KLKB1: variants seen among roughly 807,000 people sequenced by gnomAD.
The protein encoded by KLKB1 is plasma kallikrein.
KLKB1 carries 58 observed loss-of-function variants against 73.6 expected under a neutral mutation model. The ratio of observed to expected loss-of-function variants is 0.79; its 90% confidence interval spans 0.64 to 0.98. The LOEUF (loss-of-function observed/expected upper bound fraction) is 0.98, where lower values mean the gene tolerates loss of function less well. Among genes scored for constraint, KLKB1 ranks in the 50% least tolerant of loss-of-function variants. The probability of loss-of-function intolerance (pLI) is 0.00; values close to 1 mark genes in which losing one functional copy is unlikely to be tolerated. For missense variants in KLKB1, 737 were observed against 763.8 expected (o/e 0.96, Z 0.41); for synonymous variants, 280 against 258.1 (o/e 1.08, Z -0.81).
chr4:186,245,121 G>A (rs1448840117), intron 6 of KLKB1, among the ~76,000 whole-genome samples: 1 of 152,124 alleles, frequency 6.6e-6, no homozygotes, highest in Admixed American at 6.6e-5. Flanking sequence ...TAACTAAAAA[G>A]GAGTGCATAA....
chr4:186,250,483 G>A lies in KLKB1; in HGVS notation c.758+81G>A, dbSNP rs767625593. The A allele has an allele frequency of 2.0e-6, 3 of 1,497,598 alleles. No homozygotes were observed. In the South Asian group the frequency reaches 3.4e-5, roughly 17 times the overall value. 92.8% of individuals were successfully genotyped at this position (1,497,598 alleles called of 1,614,324 possible). A position where few individuals can be genotyped will look rare whatever the true frequency, so the allele number is the denominator to read the frequency against. On this transcript the variant is annotated intron_variant, in intron 7 of 14. Coordinates refer to ENST00000264690, the MANE Select transcript of KLKB1 (RefSeq NM_000892.5). ...CTGCTGTACTTTCATCACTTTTATA[G>A]TCTGAGTTCTTAAAAGTTTCGTTCA...
intron 3 of KLKB1, among the ~76,000 whole-genome samples, 154 bp downstream of exon 3, chr4:186,232,443 T>C (rs1457182811): frequency 6.6e-6 from 1 of 152,204 alleles, no homozygotes; most frequent in Non-Finnish European, 1.5e-5. Flanking sequence ...CAAATGCAGA[T>C]TCCTAGGCCA....
intron 5 of KLKB1, among the ~76,000 whole-genome samples, chr4:186,237,244 G>A (rs1182642235): frequency 2.0e-5 from 3 of 151,784 alleles, no homozygotes; most frequent in Non-Finnish European, 4.4e-5. Context: ...GATTACAGGC[G>A]TCCGCCACCA....
intron 5 of KLKB1, among the ~76,000 whole-genome samples, chr4:186,237,742 C>A: frequency 6.6e-6 from 1 of 152,030 alleles, no homozygotes; most frequent in East Asian, 1.9e-4. Context: ...GTGGTAAAGT[C>A]TGGGCTTTTG....
intron 6 of KLKB1, among the ~76,000 whole-genome samples, chr4:186,244,471 C>T (rs1284337256): frequency 2.6e-5 from 4 of 152,080 alleles, no homozygotes; most frequent in African/African-American, 7.2e-5. Context: ...GGGGGCTGTC[C>T]TCGAAGCCTT....
intron 2 of KLKB1, among the ~76,000 whole-genome samples, chr4:186,216,254 G>A (rs760787745): frequency 2.0e-5 from 3 of 152,044 alleles, no homozygotes; most frequent in African/African-American, 7.3e-5. Flanking sequence ...TTTATTTATC[G>A]TTTTACTCTT....
At chr4:186,217,695 T>C (rs1376456708) in intron 2 of KLKB1, among the ~76,000 whole-genome samples, 2 of 152,218 alleles carry the variant, frequency 1.3e-5, no homozygotes, top group Non-Finnish European at 1.5e-5. Context: ...TTGTTTTGTG[T>C]GGGTCTAGTA....
chr4:186,241,057 C>T (rs1243012477), intron 6 of KLKB1, among the ~76,000 whole-genome samples: 1 of 152,152 alleles, frequency 6.6e-6, no homozygotes, highest in Non-Finnish European at 1.5e-5. Flanking sequence ...ATGGCCTTTA[C>T]AGACTGATAA....
chr4:186,250,254 A>G lies in KLKB1; in HGVS notation c.610A>G (p.Asn204Asp), dbSNP rs1738592839. 8 of 1,614,162 alleles carry G rather than the reference A, an allele frequency of 5.0e-6. No individual in the cohort carries two copies. Among genetic ancestry groups the G allele is most frequent in the Non-Finnish European group, 5.9e-6 (7 of 1,179,994 alleles). Residue 204 changes from asparagine (N) to aspartate (D), a missense_variant, in exon 7 of 15, where the codon AAC becomes GAC. Asn to Asp is a conservative substitution (Grantham distance 23). Transcript: ENST00000264690. ...CALSEIGCHM[N>D]IFQHLAFSDV... The stretch of plus-strand genomic sequence containing the variant: ...CTGTGAGTTCACAGGTTGCCACATG[A>G]ACATCTTCCAGCATCTTGCGTTCTC...
intron 11 of KLKB1, among the ~76,000 whole-genome samples, chr4:186,252,436 C>G (rs907936158): frequency 1.3e-5 from 2 of 152,062 alleles, no homozygotes; most frequent in African/African-American, 4.8e-5. Context: ...AGACAGTACC[C>G]CACTCCTCCA....
intron 2 of KLKB1, among the ~76,000 whole-genome samples, chr4:186,219,990 G>T (rs1021512461): frequency 6.6e-6 from 1 of 152,090 alleles, no homozygotes; most frequent in Non-Finnish European, 1.5e-5. Flanking sequence ...TGACTTAGAG[G>T]TAAAAGGATC....
chr4:186,244,635 T>C (rs1330000821), intron 6 of KLKB1, among the ~76,000 whole-genome samples: 1 of 149,816 alleles, frequency 6.7e-6, no homozygotes, highest in African/African-American at 2.5e-5. Context: ...GAGGGAGGTA[T>C]TGAGGATAGG....
At chr4:186,218,145 G>T (rs1245689218) in intron 2 of KLKB1, among the ~76,000 whole-genome samples, 1 of 152,230 alleles carries the variant, frequency 6.6e-6, no homozygotes, top group African/African-American at 2.4e-5. Context: ...GTGAACTGTG[G>T]TTTGTCAAGC....
At chr4:186,232,092 A>T in intron 2 of KLKB1, 35 bp from the exon 3 acceptor site, 1 of 1,549,212 alleles carries the variant, frequency 6.5e-7, no homozygotes, top group African/African-American at 1.4e-5. Context: ...TATTATATGA[A>T]TTATCGCAAA....
intron 6 of KLKB1, among the ~76,000 whole-genome samples, chr4:186,240,116 T>C (rs1737939088): frequency 8.2e-6 from 1 of 121,588 alleles, no homozygotes; most frequent in African/African-American, 2.7e-5. Context: ...TACAGTGATA[T>C]AGGACAGTGA....
chr4:186,250,104 A>T, intron 6 of KLKB1, 139 bp from the exon 7 acceptor site: 2 of 949,954 alleles, frequency 2.1e-6, no homozygotes, highest in Non-Finnish European at 3.4e-6. Context: ...GAGATACTTT[A>T]AAGGACATTT....
chr4:186,213,144 A>C (rs1736783874), intron 2 of KLKB1: 1 of 152,190 alleles, frequency 6.6e-6, no homozygotes, highest in Non-Finnish European at 1.5e-5. Flanking sequence ...TTTCAGCTCC[A>C]GAATTATTGT....
chr4:186,249,593 C>T (rs4253297), intron 6 of KLKB1, among the ~76,000 whole-genome samples: 51,861 of 151,868 alleles, frequency 0.34, 9,268 homozygotes, highest in Non-Finnish European at 0.39. Flanking sequence ...TTGGTTATTC[C>T]GGATCTTTTG....
At chr4:186,224,266 G>C (rs185575316), upstream of KLKB1, among the ~76,000 whole-genome samples, 314 of 152,364 alleles carry the variant, frequency 2.1e-3, 3 homozygotes, top group African/African-American at 7.3e-3. Flanking sequence ...CCCACACACA[G>C]AGACCCCACT....
Sources: gnomAD v4.1 joint callset for allele counts (sites outside exome capture counted in the v4.1 genomes callset) on GRCh38, gnomAD v4.1.1 for gene constraint, MANE v1.5 for transcripts, NCBI Gene and HGNC (gene_info 2026-07-23, HGNC 2026-07-21) for gene names.